IGSF11: variants seen among roughly 807,000 people sequenced by gnomAD.
The protein encoded by IGSF11 is immunoglobulin superfamily member 11.
In IGSF11, 22 loss-of-function variants were observed where a neutral mutation model predicts 41.0. The ratio of observed to expected loss-of-function variants is 0.54; its 90% CI spans 0.38 to 0.77. The LOEUF is 0.77. Among genes scored for constraint, IGSF11 ranks in the 30% least tolerant of loss-of-function variants. The pLI, the probability that IGSF11 is intolerant of heterozygous loss-of-function variation, is 0.00. For missense variants in IGSF11, 444 were observed against 530.8 expected, an observed-to-expected ratio of 0.84 and a Z score of 1.61; for synonymous variants, 219 against 201.3, an observed-to-expected ratio of 1.09 and a Z score of -0.74.
At chr3:118,946,147 C>G (rs762635607) in intron 1 of IGSF11, 1 of 151,548 alleles carries the variant, frequency 6.6e-6, no homozygotes, top group Non-Finnish European at 1.5e-5. Context: ...TAGCAAGAAA[C>G]AGATGGGAAG....
chr3:119,036,021 T>C (rs1940883020), upstream of IGSF11, among the ~76,000 whole-genome samples: 1 of 152,230 alleles, frequency 6.6e-6, no homozygotes, highest in Non-Finnish European at 1.5e-5. Context: ...GGAAGATATA[T>C]GTAAAATTAA....
At chr3:119,021,090 A>C (rs1939240655) in intron 1 of IGSF11, among the ~76,000 whole-genome samples, 1 of 152,200 alleles carries the variant, frequency 6.6e-6, no homozygotes. Context: ...TATGACACTG[A>C]ATTTGGAATA....
chr3:118,966,480 C>G lies in IGSF11; in HGVS notation c.53-36205G>C, dbSNP rs549602454. Among the ~76,000 whole-genome samples the G allele has an allele frequency of 2.2e-4, 33 of 152,212 alleles. 1 individual carries two copies. The highest frequency in any genetic ancestry group is 2.2e-3 in the Admixed American group (33 of 15,282). On this transcript the variant is annotated intron_variant, in intron 1 of 6. Coordinates refer to ENST00000393775, the MANE Select transcript of IGSF11 (RefSeq NM_001015887.3). ...ATTATATTCTACATAAGCTAAATAT[C>G]AGAAAAGTATGGTAAGTTTACCAAA...
chr3:119,145,358 T>A (rs529728506), intron 1 of IGSF11, among the ~76,000 whole-genome samples: 1 of 152,324 alleles, frequency 6.6e-6, no homozygotes, highest in South Asian at 2.1e-4. Flanking sequence ...CTACTGACTC[T>A]GAGGTGCATT....
At chr3:118,988,834 TTCCTGAACTGTGAGGTTTCTCAG>T (rs1935508959) in intron 1 of IGSF11, among the ~76,000 whole-genome samples, 1 of 152,244 alleles carries the variant, frequency 6.6e-6, no homozygotes, top group Non-Finnish European at 1.5e-5. Flanking sequence ...AAATGTCTCC[TTCCTGAACTGTGAGGTTTCTCAG>T]AGATCAGCAA....
At chr3:118,981,352 T>G (rs1207149509) in intron 1 of IGSF11, among the ~76,000 whole-genome samples, 1 of 151,890 alleles carries the variant, frequency 6.6e-6, no homozygotes, top group Non-Finnish European at 1.5e-5. Flanking sequence ...GTATTTTTTG[T>G]AGTAGAGATG....
At chr3:119,107,158 A>G (rs377731406), upstream of IGSF11, among the ~76,000 whole-genome samples, 8 of 152,280 alleles carry the variant, frequency 5.3e-5, no homozygotes, top group East Asian at 9.7e-4. Context: ...CTGAGGAATC[A>G]CCACACTGAC....
chr3:119,018,130 C>G (rs1938930144), intron 1 of IGSF11, among the ~76,000 whole-genome samples: 1 of 151,978 alleles, frequency 6.6e-6, no homozygotes, highest in South Asian at 2.1e-4. Context: ...TTATTTGATA[C>G]AAATTAAAAT....
intron 1 of IGSF11, among the ~76,000 whole-genome samples, chr3:119,126,132 T>A (rs1483234714): frequency 6.6e-6 from 1 of 152,196 alleles, no homozygotes; most frequent in Non-Finnish European, 1.5e-5. Context: ...GCTCCCTGCG[T>A]GGGAGAAGAG....
chr3:119,096,067 T>TTTAC (rs2076844883), intron 1 of IGSF11, among the ~76,000 whole-genome samples: 1 of 152,098 alleles, frequency 6.6e-6, no homozygotes, highest in African/African-American at 2.4e-5. Context: ...TATTTATTTA[T>TTTAC]TTATATTTAA....
chr3:119,092,744 T>C (rs1392390035), intron 1 of IGSF11, among the ~76,000 whole-genome samples: 2 of 152,332 alleles, frequency 1.3e-5, no homozygotes, highest in East Asian at 3.9e-4. Flanking sequence ...GCAAGCTCCA[T>C]TCATGTTAAG....
chr3:119,123,688 G>A (rs2077363101), intron 1 of IGSF11, among the ~76,000 whole-genome samples: 1 of 152,208 alleles, frequency 6.6e-6, no homozygotes, highest in African/African-American at 2.4e-5. Context: ...GTTTATTTCA[G>A]AGAAAGAGAA....
intron 1 of IGSF11, among the ~76,000 whole-genome samples, chr3:119,033,055 AAAG>A (rs1940566312): frequency 1.3e-5 from 2 of 152,228 alleles, no homozygotes; most frequent in Non-Finnish European, 2.9e-5. Flanking sequence ...GCTGAAGAAA[AAAG>A]AACAAATCAG....
chr3:118,995,116 C>A (rs577387899), intron 1 of IGSF11, among the ~76,000 whole-genome samples: 98 of 152,276 alleles, frequency 6.4e-4, no homozygotes, highest in African/African-American at 2.2e-3. Flanking sequence ...AACAGTGAGG[C>A]TTTGAAGGGT....
At chr3:119,043,871 A>T (rs1941215017) in intron 1 of IGSF11, among the ~76,000 whole-genome samples, 1 of 152,198 alleles carries the variant, frequency 6.6e-6, no homozygotes, top group South Asian at 2.1e-4. Context: ...AGAGTACCAC[A>T]TCCAAAGGAT....
At chr3:119,131,173 A>G (rs1478799871) in intron 1 of IGSF11, among the ~76,000 whole-genome samples, 1 of 152,224 alleles carries the variant, frequency 6.6e-6, no homozygotes, top group Non-Finnish European at 1.5e-5. Context: ...CCTTGCCAGC[A>G]ACAGAACAAA....
chr3:119,074,230 G>A (rs2076453656), intron 1 of IGSF11, among the ~76,000 whole-genome samples: 1 of 152,060 alleles, frequency 6.6e-6, no homozygotes, highest in African/African-American at 2.4e-5. Context: ...ATCTGCATAT[G>A]GCACATACTC....
intron 4 of IGSF11, among the ~76,000 whole-genome samples, chr3:118,913,015 A>T (rs1940536610): frequency 6.6e-6 from 1 of 152,092 alleles, no homozygotes; most frequent in South Asian, 2.1e-4. Context: ...AGAAGGAAAG[A>T]AAAGAAGAAA....
intron 1 of IGSF11, among the ~76,000 whole-genome samples, chr3:119,014,803 G>C (rs76209382): frequency 0.012 from 1,786 of 152,284 alleles, 26 homozygotes; most frequent in African/African-American, 0.04. Context: ...TACAATTCCA[G>C]GGCTGTATGA....
Sources: allele counts gnomAD v4.1 joint callset (sites outside exome capture counted in the v4.1 genomes callset), GRCh38; gene constraint gnomAD v4.1.1; transcripts MANE v1.5; gene names NCBI Gene and HGNC (gene_info 2026-07-23, HGNC 2026-07-21).